EML6: variants seen among roughly 807,000 people sequenced by gnomAD.
The protein encoded by EML6 is echinoderm microtubule-associated protein-like 6.
In EML6, 154 loss-of-function variants were observed where a neutral mutation model predicts 240.1. The ratio of observed to expected loss-of-function variants is 0.64; its 90% confidence interval spans 0.56 to 0.73. The LOEUF is 0.73. Among genes scored for constraint, EML6 ranks in the 30% least tolerant of loss-of-function variants. The pLI, the probability that EML6 is intolerant of heterozygous loss-of-function variation, is 0.00. For missense variants in EML6, 2,964 were observed against 2,474.6 expected, an observed-to-expected ratio of 1.20 and a Z score of -4.20; for synonymous variants, 1,148 against 899.0, an observed-to-expected ratio of 1.28 and a Z score of -4.95.
At chr2:54,947,723 T>C (rs558251075) in intron 28 of EML6, among the ~76,000 whole-genome samples, 2 of 152,124 alleles carry the variant, frequency 1.3e-5, no homozygotes, top group East Asian at 3.9e-4. Context: ...TCACGGAGAG[T>C]GTGCGGGAAG....
chr2:54,892,637 C>G lies in EML6; in HGVS notation c.2723C>G (p.Ala908Gly). The change falls in exon 19 of 42, where the codon GCT becomes GGT. Residue 908 changes from alanine (A) to glycine (G), a missense_variant. Ala to Gly is a moderately conservative substitution (Grantham distance 60). Coordinates refer to ENST00000356458, the MANE Select transcript of EML6 (RefSeq NM_001039753.4). ...TVKAHDGPVF[A>G]MYALDKGFVT... ...AAAGCTCATGATGGGCCTGTGTTTG[C>G]TATGTATGCACTGGATAAGGTATGG... 1 of 1,551,464 alleles carries G rather than the reference C, an allele frequency of 6.4e-7. No individual in the cohort carries two copies. The highest frequency in any genetic ancestry group is 8.7e-7 in the Non-Finnish European group (1 of 1,146,690).
At chr2:54,902,100 G>A (rs1673086560) in intron 22 of EML6, among the ~76,000 whole-genome samples, 2 of 152,152 alleles carry the variant, frequency 1.3e-5, no homozygotes, top group Admixed American at 6.5e-5. Flanking sequence ...GTGGATCAGA[G>A]AATTGGAGCA....
At position 54,725,247 on chromosome 2, in the gene EML6, C is replaced by G. The variant is rs1010698835; in HGVS notation, c.186C>G (p.Asp62Glu). Residue 62 changes from aspartate to glutamate, a missense_variant, in exon 2 of 42, where the codon GAC becomes GAG. Asp to Glu is a conservative substitution (Grantham distance 45). Transcript: ENST00000356458. This position sits in a 1 kb window ranked among gnomAD's most constrained non-coding sequence, Gnocchi z 4.3. ...AAAAATTCTTCCTGGGACACAACGA[C>G]GACATTATCAGGTAAGGGGGTGGCC... is the stretch of plus-strand genomic sequence containing the variant. ...HSQKFFLGHN[D>E]DIISLALHPD... 2.0e-6 allele frequency: 3 copies of G among 1,473,532 alleles called. No individual in the cohort carries two copies. The East Asian group carries it at 8.7e-5, about 43-fold the overall frequency. The allele number at this position is 1,473,532 out of a possible 1,614,324, so 91.3% of individuals were successfully genotyped here.
At chr2:54,751,688 T>A (rs1185743414) in intron 2 of EML6, among the ~76,000 whole-genome samples, 1 of 152,220 alleles carries the variant, frequency 6.6e-6, no homozygotes, top group East Asian at 1.9e-4. Context: ...TTTTTCAGTT[T>A]AGACAGAACA....
chr2:54,851,063 C>T (rs543372228), intron 10 of EML6, among the ~76,000 whole-genome samples: 2 of 152,118 alleles, frequency 1.3e-5, no homozygotes, highest in Admixed American at 6.5e-5. Context: ...GGGAATGATA[C>T]CTCATTCAGG....
chr2:54,931,290 A>G (rs1009112268), intron 28 of EML6, among the ~76,000 whole-genome samples: 2 of 152,128 alleles, frequency 1.3e-5, no homozygotes, highest in Non-Finnish European at 2.9e-5. Flanking sequence ...AAAATAGAAC[A>G]TTGCCAGGCA....
intron 16 of EML6, among the ~76,000 whole-genome samples, chr2:54,874,670 C>T (rs1671416106): frequency 6.6e-6 from 1 of 152,052 alleles, no homozygotes; most frequent in Non-Finnish European, 1.5e-5. Flanking sequence ...GATTCATTAC[C>T]ATAAATGGTT....
At chr2:54,800,000 A>G (rs557119486) in intron 2 of EML6, among the ~76,000 whole-genome samples, 3 of 152,278 alleles carry the variant, frequency 2.0e-5, no homozygotes, top group Non-Finnish European at 4.4e-5. Flanking sequence ...AATCTGAGCA[A>G]TTTGAGAGGC....
chr2:54,743,325 C>T (rs1000829332), intron 2 of EML6, among the ~76,000 whole-genome samples: 12 of 152,294 alleles, frequency 7.9e-5, no homozygotes, highest in South Asian at 4.1e-4. Context: ...CCCTCGCAGA[C>T]GTGGGGAGAT....
At chr2:54,907,946 A>AAGATAGAT (rs11267419) in intron 24 of EML6, among the ~76,000 whole-genome samples, 78 of 38,022 alleles carry the variant, frequency 2.1e-3, no homozygotes, top group East Asian at 3.2e-3. Context: ...ATAGATAGAT[A>AAGATAGAT]AGATAGATAG....
chr2:54,902,726 G>C (rs1408480799), intron 22 of EML6, among the ~76,000 whole-genome samples: 1 of 152,028 alleles, frequency 6.6e-6, no homozygotes, highest in Non-Finnish European at 1.5e-5. Context: ...TACAGGGTGG[G>C]TTTCGCCTCT....
intron 2 of EML6, among the ~76,000 whole-genome samples, chr2:54,812,319 A>T (rs1009854150): frequency 7.4e-5 from 8 of 108,112 alleles, no homozygotes; most frequent in Non-Finnish European, 1.1e-4. Context: ...CATGCCAAAC[A>T]CTGAAAAAAA....
At chr2:54,877,370 C>G (rs1472640846) in intron 16 of EML6, among the ~76,000 whole-genome samples, 1 of 152,118 alleles carries the variant, frequency 6.6e-6, no homozygotes, top group Admixed American at 6.5e-5. Flanking sequence ...TCTTCCTCAT[C>G]ATCAGTGTCA....
Position 54,958,037 on chromosome 2 carries a change from AC to A in EML6, c.4695+44del, listed in dbSNP as rs956983120. The stretch of plus-strand genomic sequence containing the variant: ...GATACTCCCTGAGAAGGGGACCCAG[AC>A]CCCCTGGGCATGGGCATGGGCATGG... On this transcript the variant is annotated intron_variant, in intron 33 of 41. Transcript: ENST00000356458. 18 of 1,511,440 alleles carry A rather than the reference AC, an allele frequency of 1.2e-5. No individual in the cohort carries two copies. In the African/African-American group the frequency reaches 2.4e-4, roughly 20 times the overall value. 93.6% of individuals were successfully genotyped at this position (1,511,440 alleles called of 1,614,324 possible).
intron 28 of EML6, among the ~76,000 whole-genome samples, chr2:54,947,661 C>G (rs1397450960): frequency 6.6e-6 from 1 of 152,156 alleles, no homozygotes; most frequent in Non-Finnish European, 1.5e-5. Context: ...TTTCTGACAG[C>G]AAGTTTCTCC....
chr2:54,922,022 C>A (rs933786442), intron 26 of EML6, among the ~76,000 whole-genome samples: 3 of 152,108 alleles, frequency 2.0e-5, no homozygotes, highest in African/African-American at 7.2e-5. Context: ...GCAGTGATTT[C>A]TTGGATGTAA....
intron 7 of EML6, among the ~76,000 whole-genome samples, chr2:54,837,005 C>T (rs927259396): frequency 7.9e-5 from 12 of 152,258 alleles, no homozygotes; most frequent in Middle Eastern, 3.4e-3. Context: ...GCTGCAAGGG[C>T]GGGGGGTTTT....
intron 2 of EML6, among the ~76,000 whole-genome samples, chr2:54,728,837 C>G (rs1422955884): frequency 6.6e-6 from 1 of 152,162 alleles, no homozygotes; most frequent in African/African-American, 2.4e-5. Context: ...ACCTACCATC[C>G]TATCCTTATT....
intron 2 of EML6, among the ~76,000 whole-genome samples, chr2:54,730,285 C>T (rs559619065): frequency 4.6e-5 from 7 of 152,102 alleles, no homozygotes; most frequent in Non-Finnish European, 8.8e-5. Flanking sequence ...TCTAGTGCTG[C>T]AAATACAATT....
Sources: allele counts gnomAD v4.1 joint callset (sites outside exome capture counted in the v4.1 genomes callset), GRCh38; gene constraint gnomAD v4.1.1; non-coding constraint Gnocchi (gnomAD v3.1); transcripts MANE v1.5; gene names NCBI Gene and HGNC (gene_info 2026-07-23, HGNC 2026-07-21).